The following REPS2 variants were observed in gnomAD, a reference collection of about 807,000 sequenced individuals.
REPS2 encodes RALBP1 associated Eps domain containing 2, also known as ralBP1-associated Eps domain-containing protein 2.
REPS2 carries 23 observed loss-of-function variants against 53.6 expected under a neutral mutation model. The observed-to-expected ratio is 0.43, with a 90% CI of 0.31 to 0.61. The LOEUF is 0.61. Ranked by LOEUF, REPS2 falls within the 20% of genes least tolerant of loss-of-function variation. REPS2 has a pLI of 0.11. For missense variants in REPS2, 446 were observed against 534.9 expected, an observed-to-expected ratio of 0.83 and a Z score of 1.64; for synonymous variants, 238 against 218.6, an observed-to-expected ratio of 1.09 and a Z score of -0.78.
In REPS2 at chrX:17,147,557, C is replaced by T. The variant is rs753689362; in HGVS notation, c.*76C>T. On this transcript the variant is annotated 3_prime_UTR_variant, in exon 18 of 18. Transcript: ENST00000357277. Reference sequence around the variant, plus strand: ...CTTTTGAATGTTTTGAACCCAACTACTTGTCATAGATGTTTGACTGTGTCA... The same window carrying T: ...CTTTTGAATGTTTTGAACCCAACTATTTGTCATAGATGTTTGACTGTGTCA... 13 of 816,530 alleles carry T rather than the reference C, an allele frequency of 1.6e-5. No homozygotes were observed. The East Asian group carries it at 1.6e-4, about 10-fold the overall frequency. The allele number at this position is 816,530 out of a possible 1,213,427, so 67.3% of individuals were successfully genotyped here.
At chrX:17,045,969 G>A (rs187176023) in intron 5 of REPS2, among the ~76,000 whole-genome samples, 3 of 108,972 alleles carry the variant, frequency 2.8e-5, no homozygotes, top group South Asian at 4.1e-4. Flanking sequence ...GTGGGTGTGG[G>A]GAATGGGAGG....
At chrX:17,153,299 C>T, downstream of REPS2, 1 of 110,710 alleles carries the variant, frequency 9.0e-6, no homozygotes, top group Non-Finnish European at 1.9e-5. Context: ...GTCTTGGTGT[C>T]GATATATTGT....
chrX:17,096,789 T>G (rs1462493469), intron 13 of REPS2, among the ~76,000 whole-genome samples: 1 of 108,466 alleles, frequency 9.2e-6, no homozygotes, highest in Non-Finnish European at 1.9e-5. Flanking sequence ...TTCTGTAACA[T>G]AAACTCGAAG....
chrX:16,950,940 G>C (rs2060497742), intron 1 of REPS2, among the ~76,000 whole-genome samples: 1 of 112,182 alleles, frequency 8.9e-6, no homozygotes, highest in Non-Finnish European at 1.9e-5. Context: ...TAGCTACTCT[G>C]GAGGCTGAGG....
intron 13 of REPS2, among the ~76,000 whole-genome samples, chrX:17,099,024 A>C (rs1324402303): frequency 3.6e-5 from 4 of 111,824 alleles, no homozygotes; most frequent in African/African-American, 1.3e-4. Context: ...TTCCTTCCTC[A>C]GTCAATTTCC....
At chrX:16,955,886 CT>C (rs1169783143) in intron 1 of REPS2, among the ~76,000 whole-genome samples, 1 of 112,202 alleles carries the variant, frequency 8.9e-6, no homozygotes, top group East Asian at 2.8e-4. Flanking sequence ...TCTGTTGAGC[CT>C]TTTTGTGGCC....
rs2061821354 is a variant in REPS2, at chrX:17,040,863, T to C, written c.772-6484T>C. ...TTGGGCTCATAATGGTCTAATGTCA[T>C]TGGTCAGATTGCAAAACCACAATAG... On this transcript the variant is annotated intron_variant, in intron 5 of 17. Transcript: ENST00000357277. Among the ~76,000 whole-genome samples, 5 of 111,931 alleles carry C rather than the reference T, an allele frequency of 4.5e-5. No individual in the cohort carries two copies. In the Admixed American group the frequency reaches 4.8e-4, roughly 11 times the overall value.
Position 17,147,746 on chromosome X carries a change from A to G in REPS2, c.*265A>G. 4.0e-6 allele frequency: 1 copy of G among 249,463 alleles called. No homozygotes were observed. Among genetic ancestry groups the G allele is most frequent in the East Asian group, 6.3e-5 (1 of 15,981 alleles). 20.6% of individuals were successfully genotyped at this position (249,463 alleles called of 1,213,427 possible). On this transcript the variant is annotated 3_prime_UTR_variant, in exon 18 of 18. Transcript: ENST00000357277. ...CTTAAGTACTTCTGCAAGGTATTAGATGCTGCTCCTTACCAAAAATCAGTC... is the reference window on the plus strand; with the variant it reads ...CTTAAGTACTTCTGCAAGGTATTAGGTGCTGCTCCTTACCAAAAATCAGTC...
At chrX:16,977,473 G>A (rs1433108814) in intron 1 of REPS2, among the ~76,000 whole-genome samples, 3 of 110,584 alleles carry the variant, frequency 2.7e-5, no homozygotes, top group African/African-American at 9.9e-5. Flanking sequence ...CCAGCACTTT[G>A]GGAGGCCAAG....
At chrX:16,952,800 A>G (rs918691352) in intron 1 of REPS2, among the ~76,000 whole-genome samples, 2 of 111,704 alleles carry the variant, frequency 1.8e-5, no homozygotes, top group African/African-American at 3.3e-5. Flanking sequence ...TTGTAACTAT[A>G]CTTTAGGGAA....
chrX:16,986,070 A>C (rs759570736), intron 1 of REPS2, among the ~76,000 whole-genome samples: 1 of 112,287 alleles, frequency 8.9e-6, no homozygotes, highest in Non-Finnish European at 1.9e-5. Flanking sequence ...TAATTTTGAA[A>C]ATCCATTTCA....
At chrX:16,954,348 C>T (rs760619171) in intron 1 of REPS2, among the ~76,000 whole-genome samples, 1 of 112,036 alleles carries the variant, frequency 8.9e-6, no homozygotes, top group Non-Finnish European at 1.9e-5. Context: ...CACTCAGGCC[C>T]AACAACTGTC....
chrX:16,969,985 C>A (rs914548689), intron 1 of REPS2, among the ~76,000 whole-genome samples: 10 of 111,702 alleles, frequency 9.0e-5, no homozygotes, highest in Non-Finnish European at 1.9e-4. Context: ...GGCTTTCAGC[C>A]AACGTGTAAA....
chrX:17,139,308 C>T (rs751470210), intron 17 of REPS2, among the ~76,000 whole-genome samples: 48 of 112,002 alleles, frequency 4.3e-4, no homozygotes, highest in African/African-American at 1.4e-3. Flanking sequence ...CAATCTATTA[C>T]GAAGGCTGTT....
chrX:17,105,513 G>T (rs1358151275), intron 14 of REPS2, among the ~76,000 whole-genome samples: 3 of 112,246 alleles, frequency 2.7e-5, no homozygotes, highest in African/African-American at 9.7e-5. Flanking sequence ...CTTGAGGTGG[G>T]CTTCTTGCCT....
the REPS2 span, among the ~76,000 whole-genome samples, chrX:17,195,032 G>A: frequency 1.8e-5 from 2 of 112,212 alleles, no homozygotes; most frequent in African/African-American, 6.5e-5. Context: ...TCTATTTTTA[G>A]ATTGCAGGAC....
intron 14 of REPS2, among the ~76,000 whole-genome samples, chrX:17,127,976 T>A (rs1452432147): frequency 1.8e-5 from 2 of 111,799 alleles, no homozygotes; most frequent in African/African-American, 6.5e-5. Flanking sequence ...TTGTTAGGAC[T>A]GCTTGGGTGT....
intron 14 of REPS2, among the ~76,000 whole-genome samples, chrX:17,132,155 T>C (rs2063301121): frequency 8.9e-6 from 1 of 112,119 alleles, no homozygotes; most frequent in Non-Finnish European, 1.9e-5. Context: ...TTAACAACTT[T>C]TCATGAGCTG....
chrX:17,115,473 G>C (rs1474581489), intron 14 of REPS2, among the ~76,000 whole-genome samples: 5 of 111,502 alleles, frequency 4.5e-5, no homozygotes, highest in Admixed American at 9.4e-5. Flanking sequence ...GCCCAGGGAC[G>C]GGCAGGAGAC....
Sources: allele counts gnomAD v4.1 joint callset (sites outside exome capture counted in the v4.1 genomes callset), GRCh38; gene constraint gnomAD v4.1.1; transcripts MANE v1.5; gene names NCBI Gene and HGNC (gene_info 2026-07-23, HGNC 2026-07-21).